Variants in UTRN observed in about 807,000 individuals in gnomAD.
UTRN encodes utrophin.
A neutral mutation model predicts 463.9 loss-of-function variants in UTRN; 283 were observed. The ratio of observed to expected loss-of-function variants is 0.61; its 90% CI spans 0.55 to 0.67. The LOEUF (loss-of-function observed/expected upper bound fraction) is 0.67, where lower values mean the gene tolerates loss of function less well. Ranked by LOEUF, UTRN falls within the 30% of genes least tolerant of loss-of-function variation. The pLI is 0.00. For synonymous variants in UTRN, 1,442 were observed against 1,431.5 expected (o/e 1.01, Z -0.17); for missense variants, 3,922 against 4,084.3 (o/e 0.96, Z 1.08).
chr6:144,309,528 C>G (rs1806056708), intron 2 of UTRN, among the ~76,000 whole-genome samples: 1 of 152,186 alleles, frequency 6.6e-6, no homozygotes, highest in Non-Finnish European at 1.5e-5. Context: ...ATACCCACAT[C>G]CAATGCAGCA....
chr6:144,457,064 A>T (rs1387631598), intron 19 of UTRN, among the ~76,000 whole-genome samples: 1 of 152,190 alleles, frequency 6.6e-6, no homozygotes, highest in Non-Finnish European at 1.5e-5. Context: ...TCTGTGTTTT[A>T]TAGAAATAGA....
In UTRN at chr6:144,681,040, C is replaced by T. The variant is rs113253714; in HGVS notation, c.7652+2462C>T. On this transcript the variant is annotated intron_variant, in intron 52 of 74. Coordinates refer to ENST00000367545, the MANE Select transcript of UTRN (RefSeq NM_007124.3). ...TTTGGAAGAATCCCTCACACAGCTA[C>T]GGAGGATGCCTCGGATGAGCCTGTT... 8.5e-3 allele frequency among the ~76,000 whole-genome samples: 1,299 copies of T among 152,202 alleles called. 16 individuals carry two copies. Among genetic ancestry groups the T allele is most frequent in the African/African-American group, 0.029 (1,224 of 41,544 alleles).
At chr6:144,517,912 T>A (rs950176657) in intron 39 of UTRN, among the ~76,000 whole-genome samples, 1 of 152,234 alleles carries the variant, frequency 6.6e-6, no homozygotes, top group Admixed American at 6.5e-5. Flanking sequence ...ATGACTATAC[T>A]TTAAAAACTA....
intron 23 of UTRN, among the ~76,000 whole-genome samples, chr6:144,471,460 T>C (rs2128567871): frequency 6.6e-6 from 1 of 152,350 alleles, no homozygotes; most frequent in East Asian, 1.9e-4. Flanking sequence ...AAGTGCAGAA[T>C]GGAGATTAGC....
rs1795464815 is a variant in UTRN at position 144,514,713 on chromosome 6, A to G, written c.5137A>G (p.Ile1713Val). The change falls in exon 37 of 75, where the codon ATT (isoleucine) becomes GTT (valine). Residue 1713 changes from isoleucine to valine, a missense_variant. Around this residue, in one of 3 missense-constraint regions of UTRN, gnomAD observed 2,349 missense variants for 2,303.8 expected, o/e 1.02. Coordinates refer to ENST00000367545, the MANE Select transcript of UTRN (RefSeq NM_007124.3). The stretch of plus-strand genomic sequence containing the variant: ...TGAAAATGTCCGCGATCAAGCCCTT[A>G]TTTTGATGAATGCCCGTGGAAGCTC... ...QVENVRDQAL[I>V]LMNARGSSSR... is the part of the protein sequence containing the mutation. 1 of 1,614,028 alleles carries G rather than the reference A, an allele frequency of 6.2e-7. No individual in the cohort carries two copies. Among genetic ancestry groups the G allele is most frequent in the Admixed American group, 1.7e-5 (1 of 59,998 alleles).
In UTRN at chr6:144,418,384, T is replaced by G. The variant is rs1357860087; in HGVS notation, c.142-3494T>G. On this transcript the variant is annotated intron_variant, in intron 3 of 74. Coordinates refer to ENST00000367545, the MANE Select transcript of UTRN (RefSeq NM_007124.3). ...GCCCGCCACCACGCCCGGCTAATTT[T>G]TTTTTTTTTTTTGTATTTTTAGTAG... Among the ~76,000 whole-genome samples, 8 of 147,220 alleles carry G rather than the reference T, an allele frequency of 5.4e-5. No homozygotes were observed. The East Asian group carries it at 1.2e-3, about 22-fold the overall frequency.
At chr6:144,537,094 G>A (rs1797604949) in intron 43 of UTRN, among the ~76,000 whole-genome samples, 1 of 151,908 alleles carries the variant, frequency 6.6e-6, no homozygotes, top group East Asian at 1.9e-4. Flanking sequence ...ACCTTGCTTT[G>A]TTCTTATTCT....
At chr6:144,469,569 A>C (rs562800521) in intron 23 of UTRN, among the ~76,000 whole-genome samples, 1 of 152,312 alleles carries the variant, frequency 6.6e-6, no homozygotes, top group South Asian at 2.1e-4. Context: ...TTTAGAGCAC[A>C]GTGTGGTTAG....
Position 144,851,278 on chromosome 6 carries a change from C to T in UTRN, c.*281C>T, listed in dbSNP as rs913341275. 6.1e-6 allele frequency: 3 copies of T among 488,030 alleles called. No homozygotes were observed. The highest frequency in any genetic ancestry group is 1.1e-5 in the Non-Finnish European group (3 of 271,002). The allele number at this position is 488,030 out of a possible 1,614,324, so 30.2% of individuals were successfully genotyped here. ...TTTGGAAATGGTAATACATTTGTCA[C>T]GGATTTGTATAATGTATACAGCATT... On this transcript the variant is annotated 3_prime_UTR_variant, in exon 75 of 75. Transcript: ENST00000367545.
intron 39 of UTRN, among the ~76,000 whole-genome samples, chr6:144,521,642 G>A (rs9376822): frequency 0.52 from 79,513 of 151,888 alleles, 22,414 homozygotes; most frequent in East Asian, 0.85. Flanking sequence ...ACAAAACTTT[G>A]TGATTGGCAG....
intron 1 of UTRN, among the ~76,000 whole-genome samples, chr6:144,287,214 G>A (rs1803772938): frequency 6.6e-6 from 1 of 152,184 alleles, no homozygotes; most frequent in African/African-American, 2.4e-5. Flanking sequence ...GACGGACAGG[G>A]TTGGCGTGGA....
chr6:144,731,917 A>G (rs1226545855), intron 54 of UTRN, among the ~76,000 whole-genome samples: 1 of 151,780 alleles, frequency 6.6e-6, no homozygotes, highest in African/African-American at 2.4e-5. Context: ...GCTGGAGTGT[A>G]GTGGTGCGAT....
At chr6:144,362,822 G>T (rs1197139119) in intron 2 of UTRN, among the ~76,000 whole-genome samples, 3 of 152,174 alleles carry the variant, frequency 2.0e-5, no homozygotes, top group Non-Finnish European at 4.4e-5. Context: ...CTATGAGGCT[G>T]ATGAGTTTGC....
chr6:144,673,265 A>C (rs938802562), intron 51 of UTRN, among the ~76,000 whole-genome samples: 5 of 152,154 alleles, frequency 3.3e-5, no homozygotes, highest in African/African-American at 4.8e-5. Context: ...TAGTGCTGTC[A>C]GTGGAATATT....
rs1788289845 is a variant in UTRN, at chr6:144,451,420, C to T, written c.2123C>T (p.Thr708Ile). The change falls in exon 18 of 75, where the codon ACT (threonine) becomes ATT (isoleucine). Residue 708 changes from threonine to isoleucine, a missense_variant. By Grantham distance (89) the Thr-to-Ile change is moderately conservative. Coordinates refer to ENST00000367545, the MANE Select transcript of UTRN (RefSeq NM_007124.3). ...TTGAACTGGATTTTGAAATGGAAAA[C>T]TGCCATTCAGACCACAGAGATAAAA... is the stretch of plus-strand genomic sequence containing the variant. ...ELLNWILKWK[T>I]AIQTTEIKEY... is the part of the protein sequence containing the mutation. The T allele has an allele frequency of 6.2e-7, 1 of 1,613,324 alleles. No homozygotes were observed. Among genetic ancestry groups the T allele is most frequent in the Non-Finnish European group, 8.5e-7 (1 of 1,179,772 alleles).
intron 2 of UTRN, among the ~76,000 whole-genome samples, chr6:144,340,626 T>C (rs1246827869): frequency 1.3e-5 from 2 of 152,210 alleles, no homozygotes; most frequent in Admixed American, 6.5e-5. Context: ...CCAGTTGCTA[T>C]TGAGCTATAA....
At chr6:144,586,895 T>A (rs1044384330) in intron 51 of UTRN, among the ~76,000 whole-genome samples, 3 of 152,238 alleles carry the variant, frequency 2.0e-5, no homozygotes, top group Non-Finnish European at 4.4e-5. Context: ...TGCTTGAATG[T>A]ATATGTAAAT....
At chr6:144,390,218 C>A (rs1781784838) in intron 2 of UTRN, among the ~76,000 whole-genome samples, 1 of 152,022 alleles carries the variant, frequency 6.6e-6, no homozygotes, top group South Asian at 2.1e-4. Context: ...AATGATCATG[C>A]CCATCCACCT....
chr6:144,467,838 C>G (rs564732965), intron 23 of UTRN, among the ~76,000 whole-genome samples: 1 of 151,646 alleles, frequency 6.6e-6, no homozygotes, highest in African/African-American at 2.4e-5. Flanking sequence ...TCATATATTC[C>G]CTTCCTTAGA....
Sources: gnomAD v4.1 joint callset for allele counts (sites outside exome capture counted in the v4.1 genomes callset) on GRCh38, gnomAD v4.1.1 for gene constraint, gnomAD v4.1.1 regional missense constraint, MANE v1.5 for transcripts, NCBI Gene and HGNC (gene_info 2026-07-23, HGNC 2026-07-21) for gene names.